PRDM16: variants seen among roughly 807,000 people sequenced by gnomAD.
PRDM16 encodes PR/SET domain 16.
Under a neutral mutation model 110.6 loss-of-function variants are expected in PRDM16, and 23 were observed. The ratio of observed to expected loss-of-function variants is 0.21; its 90% CI spans 0.15 to 0.29. The LOEUF (loss-of-function observed/expected upper bound fraction) is 0.29. Among genes scored for constraint, PRDM16 ranks in the 10% least tolerant of loss-of-function variants. The probability of loss-of-function intolerance (pLI) is 1.00; values close to 1 mark genes in which losing one functional copy is unlikely to be tolerated. For missense variants in PRDM16, 1,615 were observed against 1,794.3 expected, an observed-to-expected ratio of 0.90 and a Z score of 1.81; for synonymous variants, 799 against 781.8, an observed-to-expected ratio of 1.02 and a Z score of -0.37.
intron 2 of PRDM16, chr1:3,208,000 C>T (rs1315275384): frequency 2.6e-5 from 4 of 152,364 alleles, no homozygotes; most frequent in Non-Finnish European, 5.9e-5. Flanking sequence ...GAAGAAATCA[C>T]TGCATCTTCC....
chr1:3,134,981 A>C (rs2100690616), intron 1 of PRDM16, among the ~76,000 whole-genome samples: 1 of 152,278 alleles, frequency 6.6e-6, no homozygotes, highest in South Asian at 2.1e-4. Flanking sequence ...GCTGCCGGCC[A>C]CCCGCAGGCT....
At chr1:3,100,990 G>A (rs986901355) in intron 1 of PRDM16, among the ~76,000 whole-genome samples, 4 of 152,142 alleles carry the variant, frequency 2.6e-5, no homozygotes, top group Non-Finnish European at 4.4e-5. Context: ...GGGCATTGGA[G>A]GGGGTGGGTG....
chr1:3,133,717 G>C (rs972285331), intron 1 of PRDM16: 1 of 152,258 alleles, frequency 6.6e-6, no homozygotes, highest in Non-Finnish European at 1.5e-5. Flanking sequence ...GGCTGGGCCC[G>C]AGCCAGCTCC....
intron 3 of PRDM16, among the ~76,000 whole-genome samples, chr1:3,341,731 T>G (rs1642276814): frequency 1.3e-5 from 2 of 152,222 alleles, no homozygotes; most frequent in Non-Finnish European, 2.9e-5. Context: ...AACACCCTCT[T>G]GCTGTGTGGG....
chr1:3,201,293 G>GA lies in PRDM16; in HGVS notation c.387+14820dup, dbSNP rs397978950. Reference sequence around the variant, plus strand: ...GCCTCTAAAATTCGCTTTGTCATGGGATTTAAAATTACTTCAATTGCACTG... The same window carrying GA: ...GCCTCTAAAATTCGCTTTGTCATGGGAATTTAAAATTACTTCAATTGCACTG... On this transcript the variant is annotated intron_variant, in intron 2 of 16. Coordinates refer to ENST00000270722, the MANE Select transcript of PRDM16 (RefSeq NM_022114.4). The surrounding 1 kb of genome is among the most constrained non-coding windows in gnomAD (Gnocchi z 4.1). Among the ~76,000 whole-genome samples the GA allele has an allele frequency of 6.6e-6, 1 of 151,948 alleles. No homozygotes were observed. The highest frequency in any genetic ancestry group is 1.5e-5 in the Non-Finnish European group (1 of 67,992).
intron 3 of PRDM16, among the ~76,000 whole-genome samples, chr1:3,296,614 G>T (rs373263469): frequency 5.9e-5 from 9 of 152,390 alleles, no homozygotes; most frequent in African/African-American, 1.9e-4. Context: ...GAGGCCGTGG[G>T]TGCCTGTGAG....
At chr1:3,336,218 G>A (rs901063984) in intron 3 of PRDM16, among the ~76,000 whole-genome samples, 10 of 152,226 alleles carry the variant, frequency 6.6e-5, no homozygotes, top group East Asian at 5.8e-4. Context: ...TCTTATGTGC[G>A]CATGTGTGCA....
chr1:3,241,071 C>A (rs1422808691), intron 2 of PRDM16, among the ~76,000 whole-genome samples: 1 of 152,218 alleles, frequency 6.6e-6, no homozygotes, highest in Non-Finnish European at 1.5e-5. Flanking sequence ...TCAGGCGAGG[C>A]TGGGGGAGCC....
At chr1:3,323,124 A>G (rs1235208796) in intron 3 of PRDM16, among the ~76,000 whole-genome samples, 1 of 152,192 alleles carries the variant, frequency 6.6e-6, no homozygotes, top group Non-Finnish European at 1.5e-5. Flanking sequence ...GCGGGAAGCC[A>G]TACGCTATTG....
intron 1 of PRDM16, among the ~76,000 whole-genome samples, chr1:3,172,496 G>C (rs2817129): frequency 0.78 from 117,955 of 152,156 alleles, 47,191 homozygotes; most frequent in Non-Finnish European, 0.86. Context: ...ATGTTCACAC[G>C]TGCTTCCCAC....
chr1:3,080,155 C>T lies in PRDM16; in HGVS notation c.37+10859C>T, dbSNP rs1279496928. Among the ~76,000 whole-genome samples, 1 of 152,214 alleles carries T rather than the reference C, an allele frequency of 6.6e-6. No individual in the cohort carries two copies. Among genetic ancestry groups the T allele is most frequent in the Non-Finnish European group, 1.5e-5 (1 of 68,038 alleles). ...GTTTAGATAATCCCGGGCCCTGGTG[C>T]TTGCATTTAGAAAAATTAGGCCCTC... On this transcript the variant is annotated intron_variant, in intron 1 of 16. Coordinates refer to ENST00000270722, the MANE Select transcript of PRDM16 (RefSeq NM_022114.4). This position sits in a 1 kb window ranked among gnomAD's most constrained non-coding sequence, Gnocchi z 5.2.
chr1:3,405,663 A>G lies in PRDM16; in HGVS notation c.1186+15A>G. The G allele has an allele frequency of 6.4e-7, 1 of 1,554,812 alleles. No individual in the cohort carries two copies. ...GCCTTTCATATGTGAGTGGTCGCCC[A>G]GCCTGGCCGCCTGCCCTCCGGGTGC... is the stretch of plus-strand genomic sequence containing the variant. On this transcript the variant is annotated intron_variant, in intron 8 of 16. Coordinates refer to ENST00000270722, the MANE Select transcript of PRDM16 (RefSeq NM_022114.4).
intron 1 of PRDM16, among the ~76,000 whole-genome samples, chr1:3,100,747 C>T (rs1342398907): frequency 6.6e-6 from 1 of 152,092 alleles, no homozygotes; most frequent in Non-Finnish European, 1.5e-5. Context: ...GCTGGTGGGT[C>T]CTGTGGGGTG....
At position 3,215,255 on chromosome 1, in the gene PRDM16, G is replaced by A. The variant is rs114984158; in HGVS notation, c.387+28781G>A. Among the ~76,000 whole-genome samples the A allele has an allele frequency of 4.1e-3, 621 of 150,440 alleles. 1 individual carries two copies. The highest frequency in any genetic ancestry group is 0.014 in the African/African-American group (580 of 40,284). On this transcript the variant is annotated intron_variant, in intron 2 of 16. Transcript: ENST00000270722. ...ACAGGATCAGATGGCACAGAACAGAGCGGAACCCGACCTCTGTGTGGATGA... is the reference window on the plus strand; with the variant it reads ...ACAGGATCAGATGGCACAGAACAGAACGGAACCCGACCTCTGTGTGGATGA...
At chr1:3,269,653 TTG>T (rs1640385918) in intron 3 of PRDM16, among the ~76,000 whole-genome samples, 16 of 84,974 alleles carry the variant, frequency 1.9e-4, no homozygotes, top group African/African-American at 1.1e-3. Flanking sequence ...AGGAGGACAG[TTG>T]GGAGGAGGAC....
intron 3 of PRDM16, among the ~76,000 whole-genome samples, chr1:3,248,838 G>T (rs544337030): frequency 1.3e-5 from 2 of 152,338 alleles, no homozygotes; most frequent in African/African-American, 2.4e-5. Flanking sequence ...GTTTTCTATA[G>T]CCCGGCCCGG....
rs1267580667 is a variant in PRDM16 at position 3,353,462 on chromosome 1, G to C, written c.439-31690G>C. Among the ~76,000 whole-genome samples, 1 of 152,190 alleles carries C rather than the reference G, an allele frequency of 6.6e-6. No homozygotes were observed. The highest frequency in any genetic ancestry group is 1.5e-5 in the Non-Finnish European group (1 of 68,030). On this transcript the variant is annotated intron_variant, in intron 3 of 16. Transcript: ENST00000270722. The surrounding 1 kb of genome is among the most constrained non-coding windows in gnomAD (Gnocchi z 5.4). Reference sequence around the variant, plus strand: ...TGCGTTTGTCCTTGGGGTCATTGAGGAATCTCAGCACTGGCCCTGGCTTCT... The same window carrying C: ...TGCGTTTGTCCTTGGGGTCATTGAGCAATCTCAGCACTGGCCCTGGCTTCT...
intron 1 of PRDM16, among the ~76,000 whole-genome samples, chr1:3,114,881 C>G (rs1242681559): frequency 6.6e-6 from 1 of 152,264 alleles, no homozygotes; most frequent in Non-Finnish European, 1.5e-5. Context: ...GAGGCCCTGG[C>G]CGGGATGCAG....
rs1640271433 is a variant in PRDM16 at position 3,265,782 on chromosome 1, T to G, written c.438+21645T>G. Among the ~76,000 whole-genome samples, 1 of 152,106 alleles carries G rather than the reference T, an allele frequency of 6.6e-6. No individual in the cohort carries two copies. The highest frequency in any genetic ancestry group is 1.5e-5 in the Non-Finnish European group (1 of 67,992). On this transcript the variant is annotated intron_variant, in intron 3 of 16. Coordinates refer to ENST00000270722, the MANE Select transcript of PRDM16 (RefSeq NM_022114.4). The surrounding 1 kb of genome is among the most constrained non-coding windows in gnomAD (Gnocchi z 4.5). Reference sequence around the variant, plus strand: ...GCATTATCCAGCTGGCACCTCACGCTCTGTCCTCACCGCCCAGACCCTAGG... The same window carrying G: ...GCATTATCCAGCTGGCACCTCACGCGCTGTCCTCACCGCCCAGACCCTAGG...
Sources: allele counts gnomAD v4.1 joint callset (sites outside exome capture counted in the v4.1 genomes callset), GRCh38; gene constraint gnomAD v4.1.1; non-coding constraint Gnocchi (gnomAD v3.1); transcripts MANE v1.5; gene names NCBI Gene and HGNC (gene_info 2026-07-23, HGNC 2026-07-21).